Variants in PATJ observed in about 807,000 individuals in gnomAD.
PATJ encodes the protein PATJ crumbs cell polarity complex component.
A neutral mutation model predicts 224.9 loss-of-function variants in PATJ; 190 were observed. The observed-to-expected ratio is 0.84, with a 90% CI of 0.75 to 0.95. The LOEUF (loss-of-function observed/expected upper bound fraction) is 0.95. Among genes scored for constraint, PATJ ranks in the 40% least tolerant of loss-of-function variants. The pLI is 0.00. For missense variants in PATJ, 2,121 were observed against 2,270.3 expected, an observed-to-expected ratio of 0.93 and a Z score of 1.34; for synonymous variants, 769 against 820.3, an observed-to-expected ratio of 0.94 and a Z score of 1.07.
intron 33 of PATJ, among the ~76,000 whole-genome samples, chr1:62,085,842 A>AG (rs980418462): frequency 6.6e-6 from 1 of 151,094 alleles, no homozygotes; most frequent in African/African-American, 2.4e-5. Context: ...AAAAAAAAAA[A>AG]GGTATGCATG....
At chr1:61,783,423 C>CTTTTT (rs79615768) in intron 7 of PATJ, among the ~76,000 whole-genome samples, 66 of 119,114 alleles carry the variant, frequency 5.5e-4, no homozygotes, top group East Asian at 9.7e-4. Flanking sequence ...CTTTTCTTTT[C>CTTTTT]TTTTTTTTTT....
Position 61,905,908 on chromosome 1 carries a change from C to T in PATJ, c.3382-2464C>T, listed in dbSNP as rs139889592. On this transcript the variant is annotated intron_variant, in intron 24 of 43. Transcript: ENST00000642238. ...GAGATAGTATCAGATCCCCAGCGGACACCAACTGTCTTATAATTTAATTGA... is the reference window on the plus strand; with the variant it reads ...GAGATAGTATCAGATCCCCAGCGGATACCAACTGTCTTATAATTTAATTGA... Among the ~76,000 whole-genome samples the T allele has an allele frequency of 5.8e-4, 89 of 152,280 alleles. 2 individuals are homozygous for T. In the East Asian group the frequency reaches 0.016, roughly 27 times the overall value.
intron 27 of PATJ, among the ~76,000 whole-genome samples, chr1:61,978,550 C>G (rs1644276243): frequency 6.6e-6 from 1 of 152,046 alleles, no homozygotes; most frequent in Non-Finnish European, 1.5e-5. Flanking sequence ...CAGGCATGAG[C>G]CACTGCGCCC....
At chr1:61,931,581 T>C (rs987842456) in intron 27 of PATJ, among the ~76,000 whole-genome samples, 3 of 152,078 alleles carry the variant, frequency 2.0e-5, no homozygotes, top group Non-Finnish European at 2.9e-5. Flanking sequence ...CTGGGCAACA[T>C]GGCAAAACCC....
intron 31 of PATJ, among the ~76,000 whole-genome samples, chr1:62,062,383 T>C (rs12757762): frequency 6.7e-6 from 1 of 148,354 alleles, no homozygotes; most frequent in Admixed American, 6.8e-5. Flanking sequence ...GCTGCTTCTA[T>C]GTTGTCTTCT....
intron 33 of PATJ, among the ~76,000 whole-genome samples, chr1:62,107,232 G>C (rs944221105): frequency 6.6e-6 from 1 of 151,842 alleles, no homozygotes; most frequent in African/African-American, 2.4e-5. Flanking sequence ...CGTGAACCCA[G>C]GAGACGGAGC....
intron 12 of PATJ, 123 bp downstream of exon 12, chr1:61,801,892 C>A: frequency 3.5e-6 from 2 of 578,052 alleles, no homozygotes; most frequent in Non-Finnish European, 5.4e-6. Context: ...ATAGGATATT[C>A]TTAATATCAA....
At chr1:62,073,252 T>C in intron 31 of PATJ, 1 of 985,288 alleles carries the variant, frequency 1.0e-6, no homozygotes, top group Non-Finnish European at 1.2e-6. Flanking sequence ...GCCACAACTG[T>C]ATCATTGATT....
chr1:61,809,072 AGTAGTT>A (rs1237039474), intron 14 of PATJ, among the ~76,000 whole-genome samples: 2 of 152,240 alleles, frequency 1.3e-5, no homozygotes, highest in African/African-American at 4.8e-5. Flanking sequence ...GAGTGTAGGC[AGTAGTT>A]GTTCTTGAAC....
At chr1:62,031,349 C>T (rs538378277) in intron 29 of PATJ, among the ~76,000 whole-genome samples, 52 of 152,218 alleles carry the variant, frequency 3.4e-4, no homozygotes, top group Admixed American at 1.5e-3. Context: ...AATTACACTC[C>T]GCTGTAATAT....
chr1:61,960,740 T>C, intron 27 of PATJ, among the ~76,000 whole-genome samples: 1 of 152,206 alleles, frequency 6.6e-6, no homozygotes, highest in East Asian at 1.9e-4. Context: ...TCTTGATTTT[T>C]TTAAAAGAAA....
chr1:61,759,389 C>T (rs1330917565), intron 1 of PATJ, among the ~76,000 whole-genome samples: 1 of 150,904 alleles, frequency 6.6e-6, no homozygotes, highest in Non-Finnish European at 1.5e-5. Context: ...TACATTCAGA[C>T]CTATTTCATC....
chr1:61,840,115 A>G (rs1660844885), intron 17 of PATJ, among the ~76,000 whole-genome samples: 1 of 152,028 alleles, frequency 6.6e-6, no homozygotes, highest in Admixed American at 6.5e-5. Context: ...AGTCTTGAAT[A>G]TAGTATGCCT....
At chr1:61,946,231 G>A (rs1161179147) in intron 27 of PATJ, among the ~76,000 whole-genome samples, 1 of 152,110 alleles carries the variant, frequency 6.6e-6, no homozygotes, top group Non-Finnish European at 1.5e-5. Context: ...CAGAACTGAA[G>A]GAGATAGAGA....
intron 41 of PATJ, among the ~76,000 whole-genome samples, chr1:62,141,788 G>A (rs2148999842): frequency 6.6e-6 from 1 of 152,202 alleles, no homozygotes; most frequent in Non-Finnish European, 1.5e-5. Context: ...GGCCAACGTG[G>A]TGAAACCCCA....
intron 38 of PATJ, 69 bp downstream of exon 38, chr1:62,121,364 T>A: frequency 2.1e-5 from 20 of 933,298 alleles, no homozygotes; most frequent in Non-Finnish European, 2.8e-5. Flanking sequence ...ATGTGTTTTT[T>A]AAAAACCAGT....
chr1:62,047,138 G>A (rs542878388), intron 30 of PATJ, among the ~76,000 whole-genome samples: 80 of 152,362 alleles, frequency 5.3e-4, no homozygotes, highest in African/African-American at 1.9e-3. Context: ...GTTTTCAGCT[G>A]ACGCCTCTTC....
intron 16 of PATJ, 38 bp from the exon 17 acceptor site, chr1:61,833,616 A>G: frequency 1.9e-6 from 3 of 1,579,110 alleles, no homozygotes; most frequent in Non-Finnish European, 2.6e-6. Flanking sequence ...AATTGAAAGC[A>G]TAGTGTTTTG....
chr1:61,743,256 G>C (rs1394584907), intron 1 of PATJ, among the ~76,000 whole-genome samples: 1 of 152,208 alleles, frequency 6.6e-6, no homozygotes, highest in African/African-American at 2.4e-5. Context: ...CTGGACTCCT[G>C]CTTTTAAATC....
Sources: allele counts gnomAD v4.1 joint callset (sites outside exome capture counted in the v4.1 genomes callset), GRCh38; gene constraint gnomAD v4.1.1; transcripts MANE v1.5; gene names NCBI Gene and HGNC (gene_info 2026-07-23, HGNC 2026-07-21).